The following PDZD2 variants were observed in gnomAD, a reference collection of about 807,000 sequenced individuals.
PDZD2 encodes the protein PDZ domain containing 2, also known as PDZ domain-containing protein 2.
In PDZD2, 90 loss-of-function variants were observed where a neutral mutation model predicts 220.7. That is an observed-to-expected ratio of 0.41 (90% CI 0.34 to 0.49). The LOEUF (loss-of-function observed/expected upper bound fraction) is 0.49, where lower values mean the gene tolerates loss of function less well. PDZD2 is among the 20% of genes least tolerant of loss of function. PDZD2 has a pLI of 0.28. For synonymous variants in PDZD2, 1,375 were observed against 1,450.5 expected (o/e 0.95, Z 1.18); for missense variants, 3,174 against 3,608.5 (o/e 0.88, Z 3.08).
chr5:31,988,083 T>C (rs1215022315), intron 3 of PDZD2, among the ~76,000 whole-genome samples: 1 of 152,176 alleles, frequency 6.6e-6, no homozygotes, highest in Non-Finnish European at 1.5e-5. Flanking sequence ...ATCCCATTCA[T>C]CCACTGTCCC....
intron 1 of PDZD2, among the ~76,000 whole-genome samples, chr5:31,714,825 G>A (rs1748341315): frequency 1.3e-5 from 2 of 152,224 alleles, no homozygotes; most frequent in South Asian, 2.1e-4. Flanking sequence ...TTGGGAGGCT[G>A]AGACGGGCAG....
intron 1 of PDZD2, among the ~76,000 whole-genome samples, chr5:31,761,935 G>A (rs1561439058): frequency 6.6e-6 from 1 of 152,104 alleles, no homozygotes; most frequent in South Asian, 2.1e-4. Context: ...TGGCGTCTGG[G>A]AGGGACCACA....
At chr5:31,659,364 C>A (rs755983722) in intron 1 of PDZD2, among the ~76,000 whole-genome samples, 1 of 152,050 alleles carries the variant, frequency 6.6e-6, no homozygotes, top group African/African-American at 2.4e-5. Flanking sequence ...CCTTTAGACC[C>A]AACCCTCCTC....
intron 1 of PDZD2, among the ~76,000 whole-genome samples, chr5:31,701,639 A>G (rs1747614354): frequency 6.6e-6 from 1 of 151,882 alleles, no homozygotes; most frequent in Non-Finnish European, 1.5e-5. Flanking sequence ...ACTACCTCTA[A>G]TCTCCCGAAG....
intron 15 of PDZD2, among the ~76,000 whole-genome samples, chr5:32,070,188 G>T (rs980389234): frequency 6.6e-6 from 1 of 152,264 alleles, no homozygotes. Flanking sequence ...GTTTCCTTTA[G>T]CATGGAAGCC....
At position 31,926,552 on chromosome 5, in the gene PDZD2, T is replaced by G. The variant is rs1744794911; in HGVS notation, c.477-56603T>G. ...AAAAAAAAAAAAAAAAAAAGAAAAT[T>G]AAAAGCTAAAAAATAACAGACGCTG... On this transcript the variant is annotated intron_variant, in intron 2 of 24. Transcript: ENST00000438447. 1.3e-4 allele frequency among the ~76,000 whole-genome samples: 15 copies of G among 112,766 alleles called. No homozygotes were observed. The South Asian group carries it at 4.0e-3, about 30-fold the overall frequency. 74.0% of individuals were successfully genotyped at this position (112,766 alleles called of 152,430 possible).
At chr5:31,757,519 G>A (rs1751364974) in intron 1 of PDZD2, among the ~76,000 whole-genome samples, 1 of 151,966 alleles carries the variant, frequency 6.6e-6, no homozygotes, top group Non-Finnish European at 1.5e-5. Flanking sequence ...ATAAACCTGA[G>A]AGGCGGAGCT....
intron 2 of PDZD2, among the ~76,000 whole-genome samples, chr5:31,814,565 G>A (rs1755313782): frequency 6.6e-6 from 1 of 152,154 alleles, no homozygotes; most frequent in African/African-American, 2.4e-5. Context: ...GCTTACACGT[G>A]TAATCCCAGG....
chr5:32,037,139 C>A (rs1308223192), intron 6 of PDZD2, 92 bp from the exon 7 acceptor site: 4 of 769,602 alleles, frequency 5.2e-6, no homozygotes, highest in Non-Finnish European at 8.9e-6. Context: ...TATTGCTGCT[C>A]CTTGAGCCTT....
intron 2 of PDZD2, among the ~76,000 whole-genome samples, chr5:31,927,361 C>T (rs910869046): frequency 7.0e-6 from 1 of 142,170 alleles, no homozygotes; most frequent in African/African-American, 2.6e-5. Context: ...AAACCTTCTG[C>T]TACTTTCTTT....
At chr5:32,066,024 AAATC>A (rs57907961) in intron 14 of PDZD2, among the ~76,000 whole-genome samples, 27,612 of 150,468 alleles carry the variant, frequency 0.18, 2,808 homozygotes, top group East Asian at 0.36. Flanking sequence ...GACTTGGTCT[AAATC>A]AATCAATCAA....
intron 1 of PDZD2, among the ~76,000 whole-genome samples, chr5:31,689,336 C>CATATATATATATATATATAT (rs200801339): frequency 1.8e-5 from 1 of 55,222 alleles, no homozygotes; most frequent in Non-Finnish European, 2.8e-5. Flanking sequence ...TATACATATA[C>CATATATATATATATATATAT]ATATATATAT....
chr5:31,688,299 G>A (rs1339743153), intron 1 of PDZD2, among the ~76,000 whole-genome samples: 2 of 152,146 alleles, frequency 1.3e-5, no homozygotes, highest in African/African-American at 4.8e-5. Flanking sequence ...GATAGAAACT[G>A]TGGACCTATG....
intron 1 of PDZD2, among the ~76,000 whole-genome samples, chr5:31,648,120 A>T (rs1312808490): frequency 3.9e-5 from 6 of 152,144 alleles, no homozygotes; most frequent in Non-Finnish European, 8.8e-5. Flanking sequence ...TATGCTCTTG[A>T]CCTGGGACTC....
Position 31,963,481 on chromosome 5 carries a change from C to T in PDZD2, c.477-19674C>T, listed in dbSNP as rs139757938. 5.5e-3 allele frequency among the ~76,000 whole-genome samples: 842 copies of T among 152,268 alleles called. 12 individuals carry two copies. Among genetic ancestry groups the T allele is most frequent in the African/African-American group, 0.019 (792 of 41,558 alleles). On this transcript the variant is annotated intron_variant, in intron 2 of 24. Transcript: ENST00000438447. ...GGGGCTGTGCACACACACACACGTA[C>T]ATCTGATTTATTCGTGGTAGTTGCT...
intron 2 of PDZD2, among the ~76,000 whole-genome samples, chr5:31,888,701 G>T (rs1740742996): frequency 6.6e-6 from 1 of 152,188 alleles, no homozygotes. Context: ...ATAACCAACT[G>T]TTGAGGATGT....
At chr5:31,721,601 A>G (rs1255668124) in intron 1 of PDZD2, among the ~76,000 whole-genome samples, 1 of 151,284 alleles carries the variant, frequency 6.6e-6, no homozygotes, top group African/African-American at 2.4e-5. Context: ...AAGTCGCTCC[A>G]TAACTAGCAT....
intron 2 of PDZD2, among the ~76,000 whole-genome samples, chr5:31,939,206 C>A (rs1460805152): frequency 6.6e-6 from 1 of 152,160 alleles, no homozygotes; most frequent in African/African-American, 2.4e-5. Flanking sequence ...GTCCTTTAAT[C>A]TACCATGGGA....
chr5:32,052,868 T>A, intron 9 of PDZD2, 138 bp downstream of exon 9: 1 of 844,220 alleles, frequency 1.2e-6, no homozygotes, highest in Non-Finnish European at 1.9e-6. Context: ...CGGAGTGCAG[T>A]GGTGCAATCA....
Sources: gnomAD v4.1 joint callset for allele counts (sites outside exome capture counted in the v4.1 genomes callset) on GRCh38, gnomAD v4.1.1 for gene constraint, MANE v1.5 for transcripts, NCBI Gene and HGNC (gene_info 2026-07-23, HGNC 2026-07-21) for gene names.